The following TSPAN5 variants were observed in gnomAD, a reference collection of about 807,000 sequenced individuals.
TSPAN5 encodes tetraspanin-5.
A neutral mutation model predicts 37.1 loss-of-function variants in TSPAN5; 10 were observed. That is an observed-to-expected ratio of 0.27 (90% CI 0.17 to 0.46). The LOEUF (loss-of-function observed/expected upper bound fraction) is 0.46. Among genes scored for constraint, TSPAN5 ranks in the 20% least tolerant of loss-of-function variants. The probability of loss-of-function intolerance (pLI) is 1.00; values close to 1 mark genes in which losing one functional copy is unlikely to be tolerated. For missense variants in TSPAN5, 195 were observed against 326.6 expected (o/e 0.60, Z 3.11); for synonymous variants, 110 against 118.9 (o/e 0.93, Z 0.48).
intron 1 of TSPAN5, among the ~76,000 whole-genome samples, chr4:98,646,227 CTGCATCAGCTGGAAGGACA>C: frequency 6.6e-6 from 1 of 152,136 alleles, no homozygotes; most frequent in African/African-American, 2.4e-5. Context: ...AATCCTAGCT[CTGCATCAGCTGGAAGGACA>C]TATAAGGGGA....
intron 1 of TSPAN5, among the ~76,000 whole-genome samples, chr4:98,638,346 C>A (rs1341405407): frequency 1.3e-5 from 2 of 152,106 alleles, no homozygotes; most frequent in Non-Finnish European, 2.9e-5. Flanking sequence ...ATATGAAATG[C>A]CTGTGAAGCC....
chr4:98,571,445 T>C (rs1755116509), intron 1 of TSPAN5, among the ~76,000 whole-genome samples: 1 of 117,090 alleles, frequency 8.5e-6, no homozygotes, highest in African/African-American at 3.2e-5. Flanking sequence ...CCACAAACCG[T>C]TCTGGCTTTT....
chr4:98,555,098 C>T (rs940102399), intron 1 of TSPAN5, among the ~76,000 whole-genome samples: 1 of 152,180 alleles, frequency 6.6e-6, no homozygotes, highest in Non-Finnish European at 1.5e-5. Flanking sequence ...GTGGTTACTG[C>T]TTCCAGCAGC....
At chr4:98,493,658 T>C (rs1411083044) in intron 2 of TSPAN5, among the ~76,000 whole-genome samples, 1 of 152,220 alleles carries the variant, frequency 6.6e-6, no homozygotes, top group Non-Finnish European at 1.5e-5. Context: ...TAAAATTTTA[T>C]TAGTAAGAAC....
At chr4:98,495,470 G>A (rs189263649) in intron 2 of TSPAN5, among the ~76,000 whole-genome samples, 3 of 148,932 alleles carry the variant, frequency 2.0e-5, no homozygotes, top group Non-Finnish European at 3.0e-5. Flanking sequence ...CCTTGCCCAC[G>A]CCAGTGAGCT....
intron 1 of TSPAN5, among the ~76,000 whole-genome samples, chr4:98,559,016 A>G (rs1754817650): frequency 1.3e-5 from 2 of 152,218 alleles, no homozygotes; most frequent in African/African-American, 4.8e-5. Flanking sequence ...AGAGTGGCAG[A>G]GCAGAATCCT....
intron 1 of TSPAN5, among the ~76,000 whole-genome samples, chr4:98,567,549 C>CT (rs1299184268): frequency 6.6e-6 from 1 of 152,128 alleles, no homozygotes; most frequent in East Asian, 1.9e-4. Context: ...ATTATTATGC[C>CT]TTTTTTCAGT....
chr4:98,588,211 TAAAATGA>T (rs1755540124), intron 1 of TSPAN5, among the ~76,000 whole-genome samples: 1 of 152,078 alleles, frequency 6.6e-6, no homozygotes, highest in Non-Finnish European at 1.5e-5. Flanking sequence ...ATGAAAGAGA[TAAAATGA>T]AAAAGGATTA....
At chr4:98,630,584 G>A (rs1179310242) in intron 1 of TSPAN5, among the ~76,000 whole-genome samples, 3 of 152,082 alleles carry the variant, frequency 2.0e-5, no homozygotes, top group Non-Finnish European at 2.9e-5. Flanking sequence ...CTCTCAACCC[G>A]GGAGACTGTG....
At chr4:98,629,061 T>C (rs1390065597) in intron 1 of TSPAN5, among the ~76,000 whole-genome samples, 4 of 152,230 alleles carry the variant, frequency 2.6e-5, no homozygotes, top group Admixed American at 6.5e-5. Context: ...CCATCATAGT[T>C]ATTTATGTAT....
At position 98,610,861 on chromosome 4, in the gene TSPAN5, A is replaced by C. The variant is rs570676264; in HGVS notation, c.81+47285T>G. Among the ~76,000 whole-genome samples the C allele has an allele frequency of 1.4e-4, 22 of 152,060 alleles. No individual in the cohort carries two copies. In the South Asian group the frequency reaches 4.6e-3, roughly 32 times the overall value. On this transcript the variant is annotated intron_variant, in intron 1 of 7. Transcript: ENST00000305798. Reference sequence around the variant, plus strand: ...CTCCCCGCTACTCTTTTTAGTACTGAACTCCCCTAGCTCTAGTCAGGCATG... The same window carrying C: ...CTCCCCGCTACTCTTTTTAGTACTGCACTCCCCTAGCTCTAGTCAGGCATG...
chr4:98,487,058 A>G (rs1752978979), intron 2 of TSPAN5, among the ~76,000 whole-genome samples, 174 bp from the exon 3 acceptor site: 1 of 151,338 alleles, frequency 6.6e-6, no homozygotes, highest in Admixed American at 6.6e-5. Flanking sequence ...GAGAAAGAGA[A>G]AGAGAAAGAA....
At chr4:98,614,550 G>A (rs1756274690) in intron 1 of TSPAN5, among the ~76,000 whole-genome samples, 1 of 152,010 alleles carries the variant, frequency 6.6e-6, no homozygotes, top group Non-Finnish European at 1.5e-5. Context: ...GGTCAAGAGG[G>A]GCTTGAGCCA....
chr4:98,514,244 G>A (rs1161045989), intron 1 of TSPAN5, among the ~76,000 whole-genome samples: 1 of 152,142 alleles, frequency 6.6e-6, no homozygotes, highest in African/African-American at 2.4e-5. Flanking sequence ...AGTGCCATTA[G>A]GAAAGTTGTA....
intron 2 of TSPAN5, among the ~76,000 whole-genome samples, chr4:98,505,957 GCT>G (rs907383556): frequency 6.6e-6 from 1 of 152,116 alleles, no homozygotes; most frequent in Non-Finnish European, 1.5e-5. Context: ...TCAACCCCTT[GCT>G]CTGATATTTG....
At chr4:98,488,584 C>T (rs1223046427) in intron 2 of TSPAN5, among the ~76,000 whole-genome samples, 1 of 152,196 alleles carries the variant, frequency 6.6e-6, no homozygotes, top group African/African-American at 2.4e-5. Flanking sequence ...CCACACCCTT[C>T]ACAAGTCTGC....
intron 1 of TSPAN5, among the ~76,000 whole-genome samples, chr4:98,537,297 C>T (rs971401244): frequency 4.6e-5 from 7 of 152,172 alleles, no homozygotes; most frequent in African/African-American, 1.7e-4. Flanking sequence ...CACCCTGCTT[C>T]GGCTTGCCCT....
intron 1 of TSPAN5, among the ~76,000 whole-genome samples, chr4:98,550,203 C>T (rs1754578418): frequency 1.3e-5 from 2 of 152,058 alleles, no homozygotes; most frequent in South Asian, 2.1e-4. Flanking sequence ...AGATATGTGG[C>T]TTTATTTTTG....
At chr4:98,607,530 T>A (rs953074072) in intron 1 of TSPAN5, among the ~76,000 whole-genome samples, 1 of 152,198 alleles carries the variant, frequency 6.6e-6, no homozygotes, top group Non-Finnish European at 1.5e-5. Context: ...ATAACCTCAG[T>A]AGCCTAAGTT....
Sources: gnomAD v4.1 joint callset for allele counts (sites outside exome capture counted in the v4.1 genomes callset) on GRCh38, gnomAD v4.1.1 for gene constraint, MANE v1.5 for transcripts, NCBI Gene and HGNC (gene_info 2026-07-23, HGNC 2026-07-21) for gene names.